The following CCDC171 variants were observed in gnomAD, a reference collection of about 807,000 sequenced individuals.
CCDC171 encodes the protein coiled-coil domain containing 171.
A neutral mutation model predicts 168.2 loss-of-function variants in CCDC171; 177 were observed. The observed-to-expected ratio is 1.05, with a 90% CI of 0.93 to 1.19. The LOEUF (loss-of-function observed/expected upper bound fraction) is 1.19, where lower values mean the gene tolerates loss of function less well. Ranked by LOEUF, CCDC171 falls within the 50% of genes most tolerant of loss-of-function variation. CCDC171 has a pLI of 0.00. For missense variants in CCDC171, 1,991 were observed against 1,539.0 expected (o/e 1.29, Z -4.91); for synonymous variants, 687 against 540.8 (o/e 1.27, Z -3.75).
intron 21 of CCDC171, among the ~76,000 whole-genome samples, chr9:15,833,136 C>T (rs1463849109): frequency 6.6e-6 from 1 of 151,994 alleles, no homozygotes; most frequent in African/African-American, 2.4e-5. Flanking sequence ...TACAGGCACA[C>T]ACCATCATGT....
rs1181656145 is a variant in CCDC171, at chr9:15,815,540, G to A, written c.3267+30846G>A. The stretch of plus-strand genomic sequence containing the variant: ...TTTACCTCCTTCTTATTTTAAATGT[G>A]TCCCAACGTTTATATTATTAATAAA... On this transcript the variant is annotated intron_variant, in intron 21 of 25. Coordinates refer to ENST00000380701, the MANE Select transcript of CCDC171 (RefSeq NM_173550.4). 8.2e-5 allele frequency among the ~76,000 whole-genome samples: 9 copies of A among 109,946 alleles called. 1 individual carries two copies. The highest frequency in any genetic ancestry group is 1.8e-4 in the Non-Finnish European group (9 of 50,256). The allele number at this position is 109,946 out of a possible 152,430, so 72.1% of individuals were successfully genotyped here.
At chr9:15,778,629 G>C (rs2057476636) in intron 19 of CCDC171, among the ~76,000 whole-genome samples, 1 of 59,554 alleles carries the variant, frequency 1.7e-5, no homozygotes, top group Non-Finnish European at 3.5e-5. Flanking sequence ...CTGGCCTACA[G>C]AGTAAGACTG....
chr9:15,915,206 T>C (rs2131902481), intron 24 of CCDC171, among the ~76,000 whole-genome samples: 1 of 152,324 alleles, frequency 6.6e-6, no homozygotes, highest in South Asian at 2.1e-4. Flanking sequence ...GATCTATAGA[T>C]TGCTTTGGGC....
intron 12 of CCDC171, 107 bp from the exon 13 acceptor site, chr9:15,723,574 G>T: frequency 1.4e-6 from 1 of 704,712 alleles, no homozygotes; most frequent in Non-Finnish European, 2.4e-6. Context: ...TTAAGTAATT[G>T]CATAAAAAGC....
intron 6 of CCDC171, among the ~76,000 whole-genome samples, chr9:16,033,985 C>T (rs1014803506): frequency 1.1e-4 from 17 of 152,224 alleles, no homozygotes; most frequent in African/African-American, 3.1e-4. Flanking sequence ...CAGAATTCTG[C>T]GTGCTTCACA....
At chr9:15,725,025 C>A in intron 14 of CCDC171, 49 bp downstream of exon 14, 2 of 1,280,314 alleles carry the variant, frequency 1.6e-6, no homozygotes, top group Non-Finnish European at 2.3e-6. Flanking sequence ...TCACTAATCT[C>A]AGTGTTATAC....
chr9:16,094,664 A>T, the CCDC171 span, among the ~76,000 whole-genome samples: 2 of 152,212 alleles, frequency 1.3e-5, no homozygotes, highest in African/African-American at 4.8e-5. Context: ...TAACATTCAG[A>T]GGACTTTCAG....
intron 21 of CCDC171, among the ~76,000 whole-genome samples, chr9:15,828,032 G>T (rs560240713): frequency 6.6e-6 from 1 of 152,110 alleles, no homozygotes; most frequent in Non-Finnish European, 1.5e-5. Context: ...GAGGATATAG[G>T]AATAGAAAGG....
At chr9:16,045,875 G>A (rs1378321420) in intron 1 of CCDC171, among the ~76,000 whole-genome samples, 1 of 152,160 alleles carries the variant, frequency 6.6e-6, no homozygotes, top group African/African-American at 2.4e-5. Flanking sequence ...GAAAAGGTTA[G>A]ATAAACCCAG....
chr9:15,766,082 A>T (rs930937240), intron 18 of CCDC171, among the ~76,000 whole-genome samples: 1 of 152,150 alleles, frequency 6.6e-6, no homozygotes. Context: ...AGCCTATTAT[A>T]AAAGATTTGG....
intron 3 of CCDC171, among the ~76,000 whole-genome samples, chr9:15,990,598 G>A (rs1042487017): frequency 2.0e-5 from 3 of 152,106 alleles, no homozygotes; most frequent in South Asian, 2.1e-4. Flanking sequence ...ATGTAAATGG[G>A]CTAAATGCTC....
intron 23 of CCDC171, among the ~76,000 whole-genome samples, chr9:15,873,045 T>C (rs551444213): frequency 1.1e-3 from 170 of 152,204 alleles, no homozygotes; most frequent in Non-Finnish European, 1.8e-3. Flanking sequence ...ACTCACATCA[T>C]TATAAAAATT....
At chr9:15,958,136 A>G (rs1829988882) in intron 25 of CCDC171, among the ~76,000 whole-genome samples, 2 of 152,136 alleles carry the variant, frequency 1.3e-5, no homozygotes, top group East Asian at 1.9e-4. Flanking sequence ...TCATTCATTC[A>G]TTCATTCATT....
intron 4 of CCDC171, among the ~76,000 whole-genome samples, chr9:15,580,859 G>C (rs1563979582): frequency 6.6e-6 from 1 of 152,108 alleles, no homozygotes; most frequent in East Asian, 1.9e-4. Flanking sequence ...CATTCCCTTT[G>C]AAAACCGGCA....
chr9:15,959,150 T>C (rs1340878263), intron 25 of CCDC171, among the ~76,000 whole-genome samples: 1 of 152,186 alleles, frequency 6.6e-6, no homozygotes, highest in Non-Finnish European at 1.5e-5. Context: ...TAGCTATAAT[T>C]TGCCACTGAG....
chr9:16,083,729 T>C, the CCDC171 span, among the ~76,000 whole-genome samples: 1 of 152,298 alleles, frequency 6.6e-6, no homozygotes, highest in Non-Finnish European at 1.5e-5. Context: ...GAAAGGCCCT[T>C]CCAGTGGTGT....
intron 23 of CCDC171, among the ~76,000 whole-genome samples, chr9:15,859,266 T>G (rs2061460521): frequency 6.6e-6 from 1 of 152,076 alleles, no homozygotes; most frequent in African/African-American, 2.4e-5. Flanking sequence ...AATCCTTTAA[T>G]TGTGCTTTTG....
chr9:16,073,566 T>C, the CCDC171 span, among the ~76,000 whole-genome samples: 1 of 152,204 alleles, frequency 6.6e-6, no homozygotes, highest in Non-Finnish European at 1.5e-5. Context: ...GGTTAGTGGT[T>C]TTCCTGAAGT....
chr9:15,757,320 C>G (rs2056183467), intron 18 of CCDC171, among the ~76,000 whole-genome samples: 1 of 152,162 alleles, frequency 6.6e-6, no homozygotes, highest in Non-Finnish European at 1.5e-5. Context: ...GGTATTGGAG[C>G]AGAGGTGACT....
Sources: gnomAD v4.1 joint callset for allele counts (sites outside exome capture counted in the v4.1 genomes callset) on GRCh38, gnomAD v4.1.1 for gene constraint, MANE v1.5 for transcripts, NCBI Gene and HGNC (gene_info 2026-07-23, HGNC 2026-07-21) for gene names.